The following AP4E1 variants were observed in gnomAD, a reference collection of about 807,000 sequenced individuals.
AP4E1 encodes the protein AP-4 complex subunit epsilon-1.
AP4E1 carries 56 observed loss-of-function variants against 128.2 expected under a neutral mutation model. That is an observed-to-expected ratio of 0.44 (90% confidence interval 0.35 to 0.55). The LOEUF (loss-of-function observed/expected upper bound fraction) is 0.55, where lower values mean the gene tolerates loss of function less well. Ranked by LOEUF, AP4E1 falls within the 20% of genes least tolerant of loss-of-function variation. The probability of loss-of-function intolerance (pLI) is 0.00; values close to 1 mark genes in which losing one functional copy is unlikely to be tolerated. For synonymous variants in AP4E1, 484 were observed against 473.1 expected, an observed-to-expected ratio of 1.02 and a Z score of -0.30; for missense variants, 1,324 against 1,307.7, an observed-to-expected ratio of 1.01 and a Z score of -0.19.
intron 3 of AP4E1, among the ~76,000 whole-genome samples, chr15:50,920,554 G>A (rs2063688683): frequency 6.7e-6 from 1 of 149,606 alleles, no homozygotes; most frequent in Admixed American, 6.7e-5. Flanking sequence ...CTACAGGTGC[G>A]TGCCACCGTG....
At chr15:50,961,227 AGAG>A (rs2064308484) in intron 14 of AP4E1, among the ~76,000 whole-genome samples, 1 of 152,040 alleles carries the variant, frequency 6.6e-6, no homozygotes, top group African/African-American at 2.4e-5. Flanking sequence ...AAAAAATCGA[AGAG>A]GAGGACATTC....
rs189059103 is a variant in AP4E1 at position 50,968,933 on chromosome 15, T to A, written c.1966+556T>A. On this transcript the variant is annotated intron_variant, in intron 15 of 20. Coordinates refer to ENST00000261842, the MANE Select transcript of AP4E1 (RefSeq NM_007347.5). ...GCGACTGGCCATTATACTGAAATTTTGAGGAACTTTTTTTTTTTGATAATA... is the reference window on the plus strand; with the variant it reads ...GCGACTGGCCATTATACTGAAATTTAGAGGAACTTTTTTTTTTTGATAATA... Among the ~76,000 whole-genome samples the A allele has an allele frequency of 2.6e-5, 4 of 152,094 alleles. No homozygotes were observed. In the East Asian group the frequency reaches 7.7e-4, roughly 29 times the overall value.
chr15:50,984,207 A>G (rs1255794348), intron 16 of AP4E1, 62 bp downstream of exon 16: 1 of 1,588,572 alleles, frequency 6.3e-7, no homozygotes, highest in Admixed American at 1.7e-5. Flanking sequence ...TTAGCGTTCC[A>G]TTTGCCTTCT....
intron 14 of AP4E1, among the ~76,000 whole-genome samples, chr15:50,959,511 G>A (rs939535797): frequency 6.6e-6 from 1 of 152,148 alleles, no homozygotes; most frequent in Non-Finnish European, 1.5e-5. Flanking sequence ...TCCCAGACAG[G>A]TGAAACTGAG....
intron 10 of AP4E1, among the ~76,000 whole-genome samples, chr15:50,943,012 G>A (rs188625018): frequency 6.3e-4 from 96 of 152,186 alleles, no homozygotes; most frequent in African/African-American, 2.2e-3. Context: ...ATAGTACTGG[G>A]TAGGTAGTTT....
Position 50,950,133 on chromosome 15 carries a change from G to A in AP4E1, c.1512G>A (p.Val504=). 1 of 1,612,846 alleles carries A rather than the reference G, an allele frequency of 6.2e-7. No individual in the cohort carries two copies. The highest frequency in any genetic ancestry group is 8.5e-7 in the Non-Finnish European group (1 of 1,179,274). ...TCACTTTACTGGATATGGAAAATGT[G>A]TTCTATCCACAGAGATTTCTTCAAG... ...SYLTLLDMEN[V]FYPQRFLQVM... The change falls in exon 13 of 21, where the codon GTG becomes GTA. Residue 504 remains valine, a synonymous_variant. Transcript: ENST00000261842.
At chr15:50,959,301 C>T (rs1021214328) in intron 14 of AP4E1, among the ~76,000 whole-genome samples, 1 of 151,782 alleles carries the variant, frequency 6.6e-6, no homozygotes, top group Non-Finnish European at 1.5e-5. Context: ...AGAGAGAATT[C>T]TAAAAACAGC....
chr15:50,947,185 G>C (rs1160343102), intron 10 of AP4E1, among the ~76,000 whole-genome samples: 1 of 152,162 alleles, frequency 6.6e-6, no homozygotes, highest in Admixed American at 6.5e-5. Context: ...GGAGGCCAAG[G>C]TGGGAGGATC....
intron 10 of AP4E1, chr15:50,945,046 G>T (rs2064039146): frequency 1.5e-5 from 12 of 778,174 alleles, no homozygotes; most frequent in Non-Finnish European, 2.9e-5. Context: ...ACCGTTGGTG[G>T]TGACAAAACT....
intron 17 of AP4E1, among the ~76,000 whole-genome samples, chr15:50,995,980 CTTTTT>C (rs1199189475): frequency 1.1e-5 from 1 of 91,796 alleles, no homozygotes; most frequent in African/African-American, 5.1e-5. Context: ...TAATATACAT[CTTTTT>C]TTTTTTTTTT....
chr15:50,984,490 A>T (rs1320693707), intron 16 of AP4E1, among the ~76,000 whole-genome samples: 7 of 117,716 alleles, frequency 5.9e-5, no homozygotes, highest in African/African-American at 2.0e-4. Context: ...CTGGTGTGTG[A>T]TGTTCCCCTT....
At position 50,923,945 on chromosome 15, in the gene AP4E1, T is replaced by A. The variant is rs754250321; in HGVS notation, c.361T>A (p.Ser121Thr). 6 of 1,611,898 alleles carry A rather than the reference T, an allele frequency of 3.7e-6. No individual in the cohort carries two copies. In the East Asian group the frequency reaches 6.7e-5, roughly 18 times the overall value. Residue 121 changes from serine to threonine, a missense_variant, in exon 4 of 21, where the codon TCC (serine) becomes ACC (threonine). Physicochemically the swap from Ser to Thr is moderately conservative, Grantham distance 58. Transcript: ENST00000261842. ...AACTTTTATAGGTTATTTGGCTGTT[T>A]CCTTATTTCTACATGAAAGTCATGA... ...LEKRVGYLAV[S>T]LFLHESHELL...
chr15:51,002,571 C>T lies in AP4E1; in HGVS notation c.3323C>T (p.Ala1108Val). 1 of 1,614,158 alleles carries T rather than the reference C, an allele frequency of 6.2e-7. No homozygotes were observed. The highest frequency in any genetic ancestry group is 8.5e-7 in the Non-Finnish European group (1 of 1,180,018). ...IPCLLHCRVH[A>V]DVLALWFRSS... ...TGCTTACTGCATTGCCGAGTTCATG[C>T]AGATGTATTAGCCCTGTGGTTCAGA... Residue 1108 changes from alanine to valine, a missense_variant, in exon 21 of 21, where the codon GCA (alanine) becomes GTA (valine). Coordinates refer to ENST00000261842, the MANE Select transcript of AP4E1 (RefSeq NM_007347.5).
chr15:50,985,794 GCT>G (rs1182058879), intron 16 of AP4E1, among the ~76,000 whole-genome samples: 3 of 152,166 alleles, frequency 2.0e-5, no homozygotes, highest in Non-Finnish European at 4.4e-5. Flanking sequence ...GGCAATGCGG[GCT>G]CTTTTTTGAT....
chr15:50,950,449 C>A (rs564303654), intron 13 of AP4E1, among the ~76,000 whole-genome samples: 1 of 152,022 alleles, frequency 6.6e-6, no homozygotes, highest in Admixed American at 6.6e-5. Context: ...TTTGAATACT[C>A]ATTTATCTCT....
At chr15:50,973,496 A>G (rs2064511176) in intron 15 of AP4E1, among the ~76,000 whole-genome samples, 1 of 152,234 alleles carries the variant, frequency 6.6e-6, no homozygotes, top group Admixed American at 6.5e-5. Context: ...CTGTAGATAC[A>G]ATGTTGTACA....
chr15:50,915,411 G>T, intron 2 of AP4E1, 37 bp from the exon 3 acceptor site: 1 of 1,595,000 alleles, frequency 6.3e-7, no homozygotes, highest in African/African-American at 1.3e-5. Flanking sequence ...TAAATATTCT[G>T]TTTATTTATA....
chr15:50,908,172 G>C (rs1487187313), upstream of AP4E1, among the ~76,000 whole-genome samples: 1 of 152,216 alleles, frequency 6.6e-6, no homozygotes, highest in Non-Finnish European at 1.5e-5. Context: ...CACGCGACGG[G>C]CTCTCAACCT....
rs115219576 is a variant in AP4E1 at position 50,940,167 on chromosome 15, C to T, written c.944-1275C>T. 2.1e-3 allele frequency among the ~76,000 whole-genome samples: 326 copies of T among 152,154 alleles called. 2 individuals are homozygous for T. The highest frequency in any genetic ancestry group is 7.6e-3 in the African/African-American group (316 of 41,528). Reference sequence around the variant, plus strand: ...TTTGTCTAGTTCATGAATCATAAAGCGAACTTTTTTCACAGCACAGAGTAA... The same window carrying T: ...TTTGTCTAGTTCATGAATCATAAAGTGAACTTTTTTCACAGCACAGAGTAA... On this transcript the variant is annotated intron_variant, in intron 8 of 20. Transcript: ENST00000261842.
Sources: gnomAD v4.1 joint callset for allele counts (sites outside exome capture counted in the v4.1 genomes callset) on GRCh38, gnomAD v4.1.1 for gene constraint, MANE v1.5 for transcripts, NCBI Gene and HGNC (gene_info 2026-07-23, HGNC 2026-07-21) for gene names.